The following EEF1G variants were observed in gnomAD, a reference collection of about 807,000 sequenced individuals.
EEF1G encodes eukaryotic translation elongation factor 1 gamma.
A neutral mutation model predicts 58.3 loss-of-function variants in EEF1G; 14 were observed. The ratio of observed to expected loss-of-function variants is 0.24; its 90% CI spans 0.16 to 0.38. The LOEUF (loss-of-function observed/expected upper bound fraction) is 0.38, where lower values mean the gene tolerates loss of function less well. EEF1G is among the 10% of genes least tolerant of loss of function. The probability of loss-of-function intolerance (pLI) is 1.00; values close to 1 mark genes in which losing one functional copy is unlikely to be tolerated. For synonymous variants in EEF1G, 180 were observed against 206.8 expected (o/e 0.87, Z 1.11); for missense variants, 322 against 550.1 (o/e 0.59, Z 4.15).
chr11:62,566,390 G>A (rs1406007949), intron 7 of EEF1G, among the ~76,000 whole-genome samples: 1 of 152,186 alleles, frequency 6.6e-6, no homozygotes, highest in African/African-American at 2.4e-5. Flanking sequence ...CAATTCAAAG[G>A]ACCCTGCTCT....
chr11:62,567,097 G>A (rs777444689), intron 6 of EEF1G, 87 bp from the exon 7 acceptor site: 105 of 1,417,062 alleles, frequency 7.4e-5, no homozygotes, highest in Non-Finnish European at 1.0e-4. Context: ...CAAGGTAACA[G>A]AGGAAACTGA....
rs763419024 is a variant in EEF1G at position 62,559,799 on chromosome 11, T to C, written c.1194A>G (p.Thr398=). ...PDWQVDYESY[T]WRKLDPGSEE... ...CGCTGCCAGGATCCAGTTTCCGCCA[T>C]GTGTATGACTCGTAGTCCACCTGCC... Residue 398 remains threonine (T), a synonymous_variant, in exon 10 of 10, where the codon ACA becomes ACG. Transcript: ENST00000329251. The C allele has an allele frequency of 2.2e-5, 36 of 1,613,860 alleles. No individual in the cohort carries two copies. In the Admixed American group the frequency reaches 3.7e-4, roughly 16 times the overall value.
chr11:62,567,220 A>T, intron 6 of EEF1G, 179 bp downstream of exon 6: 1 of 953,288 alleles, frequency 1.0e-6, no homozygotes, highest in Non-Finnish European at 1.5e-6. Flanking sequence ...CTATATAGTA[A>T]TACAAATTAG....
In EEF1G at chr11:62,560,034, ACCCTAAAGAGACTCCT is replaced by A; in HGVS notation, c.1155+19_1155+34del. ...ACAGTGCTTCTTATATCCCTGCCCC[ACCCTAAAGAGACTCCT>A]CTCCTCCACCTTCCTCACCGGAAAG... On this transcript the variant is annotated intron_variant, in intron 9 of 9. Coordinates refer to ENST00000329251, the MANE Select transcript of EEF1G (RefSeq NM_001404.5). The A allele has an allele frequency of 6.2e-7, 1 of 1,613,428 alleles. No homozygotes were observed. The highest frequency in any genetic ancestry group is 8.5e-7 in the Non-Finnish European group (1 of 1,179,670).
chr11:62,570,036 T>C (rs2134295947), intron 5 of EEF1G, among the ~76,000 whole-genome samples: 1 of 152,042 alleles, frequency 6.6e-6, no homozygotes, highest in South Asian at 2.1e-4. Flanking sequence ...CTTGAACCTG[T>C]ATCTGTCTCC....
chr11:62,567,708 A>T (rs1268585689), intron 5 of EEF1G, among the ~76,000 whole-genome samples, 180 bp from the exon 6 acceptor site: 2 of 143,480 alleles, frequency 1.4e-5, no homozygotes, highest in Non-Finnish European at 3.0e-5. Flanking sequence ...ATTTTTTTCA[A>T]TTTTTTTTTT....
At chr11:62,573,693 T>G in intron 1 of EEF1G, 138 bp downstream of exon 1, 1 of 1,259,830 alleles carries the variant, frequency 7.9e-7, no homozygotes. Context: ...GGAACCCTAC[T>G]CTCCAGCAGT....
chr11:62,567,195 CT>C (rs1399240453), intron 6 of EEF1G, 185 bp from the exon 7 acceptor site: 1 of 920,858 alleles, frequency 1.1e-6, no homozygotes, highest in African/African-American at 1.7e-5. Context: ...GCAACAAATA[CT>C]TTATATCGCA....
At chr11:62,572,057 A>G (rs1361502488) in intron 2 of EEF1G, among the ~76,000 whole-genome samples, 156 bp from the exon 3 acceptor site, 1 of 152,168 alleles carries the variant, frequency 6.6e-6, no homozygotes, top group Non-Finnish European at 1.5e-5. Context: ...ATACTTCAAG[A>G]ACTTGGCCTC....
In EEF1G at chr11:62,567,197, T is replaced by TTA; in HGVS notation, c.653-189_653-188dup. ...AACAACACACTCAGCAACAAATACTTTATATCGCAAATCTATATAGTAATA... is the reference window on the plus strand; with the variant it reads ...AACAACACACTCAGCAACAAATACTTTATATATCGCAAATCTATATAGTAATA... On this transcript the variant is annotated intron_variant, in intron 6 of 9. Transcript: ENST00000329251. 3.3e-6 allele frequency: 3 copies of TTA among 922,008 alleles called. No individual in the cohort carries two copies. The South Asian group carries it at 5.2e-5, about 16-fold the overall frequency. 57.1% of individuals were successfully genotyped at this position (922,008 alleles called of 1,614,324 possible). A position where few individuals can be genotyped will look rare whatever the true frequency, so the allele number is the denominator to read the frequency against.
At chr11:62,568,845 T>C (rs770563090) in intron 5 of EEF1G, among the ~76,000 whole-genome samples, 2 of 151,884 alleles carry the variant, frequency 1.3e-5, no homozygotes, top group Non-Finnish European at 2.9e-5. Flanking sequence ...TGGTTGCACA[T>C]GCCCGTAATC....
chr11:62,566,195 T>C (rs761381110), intron 7 of EEF1G, among the ~76,000 whole-genome samples: 1 of 152,182 alleles, frequency 6.6e-6, no homozygotes, highest in Non-Finnish European at 1.5e-5. Context: ...TACTATATTA[T>C]TTCTTCCAAG....
intron 7 of EEF1G, among the ~76,000 whole-genome samples, chr11:62,561,078 G>C (rs538102308): frequency 1.3e-5 from 2 of 152,144 alleles, no homozygotes; most frequent in Non-Finnish European, 2.9e-5. Context: ...CTCCCTCCAC[G>C]ATTGGTGCTC....
chr11:62,570,552 CCTGG>C (rs1941614678), intron 5 of EEF1G, among the ~76,000 whole-genome samples: 2 of 152,000 alleles, frequency 1.3e-5, no homozygotes, highest in Admixed American at 6.6e-5. Flanking sequence ...TCCTGGGATT[CCTGG>C]CTGTTTTTTG....
Position 62,572,664 on chromosome 11 carries a change from C to T in EEF1G, c.91G>A (p.Val31Met). Residue 31 changes from valine to methionine, a missense_variant, in exon 2 of 10, where the codon GTG (valine) becomes ATG (methionine). Coordinates refer to ENST00000329251, the MANE Select transcript of EEF1G (RefSeq NM_001404.5). ...AAQYSGAQVRVLSAPPHFHFG... is the reference protein window; with the variant it reads ...AAQYSGAQVRMLSAPPHFHFG... ...TGGAAGTGGGGTGGTGCGGAGAGCA[C>T]GCGGACCTGAGCCCCGCTGTACTGA... is the stretch of plus-strand genomic sequence containing the variant. The T allele has an allele frequency of 6.2e-7, 1 of 1,612,942 alleles. No homozygotes were observed. Among genetic ancestry groups the T allele is most frequent in the African/African-American group, 1.3e-5 (1 of 74,990 alleles).
chr11:62,564,789 C>T (rs1208870569), intron 7 of EEF1G, among the ~76,000 whole-genome samples: 3 of 121,410 alleles, frequency 2.5e-5, no homozygotes, highest in Non-Finnish European at 3.4e-5. Context: ...AAAAGGGGGC[C>T]AGGCACGGTA....
Position 62,566,805 on chromosome 11 carries a change from C to T in EEF1G, c.857+1G>A. 6.2e-7 allele frequency: 1 copy of T among 1,613,628 alleles called. No homozygotes were observed. The highest frequency in any genetic ancestry group is 8.5e-7 in the Non-Finnish European group (1 of 1,179,688). On this transcript the variant is annotated splice_donor_variant, in intron 7 of 9. Transcript: ENST00000329251. LOFTEE classifies it high-confidence loss of function. ...CACCCTCCACCCTCCAATATCCTTACCTCTTGGGCAGGTGAGCGAAGGGGT... is the reference window on the plus strand; with the variant it reads ...CACCCTCCACCCTCCAATATCCTTATCTCTTGGGCAGGTGAGCGAAGGGGT...
chr11:62,572,436 T>C (rs1419524350), intron 2 of EEF1G, 148 bp downstream of exon 2: 2 of 1,086,866 alleles, frequency 1.8e-6, no homozygotes, highest in Non-Finnish European at 2.6e-6. Context: ...TACATGTAAA[T>C]CTGTATTTAT....
At chr11:62,562,060 C>T (rs192635222) in intron 7 of EEF1G, among the ~76,000 whole-genome samples, 23 of 152,308 alleles carry the variant, frequency 1.5e-4, no homozygotes, top group African/African-American at 5.5e-4. Context: ...AGTTGTGTCC[C>T]GCATAGCCCC....
Sources: allele counts gnomAD v4.1 joint callset (sites outside exome capture counted in the v4.1 genomes callset), GRCh38; gene constraint gnomAD v4.1.1; transcripts MANE v1.5; gene names NCBI Gene and HGNC (gene_info 2026-07-23, HGNC 2026-07-21).